PLEKHA4: variants seen among roughly 807,000 people sequenced by gnomAD.
PLEKHA4 encodes pleckstrin homology domain containing A4.
Under a neutral mutation model 94.7 loss-of-function variants are expected in PLEKHA4, and 73 were observed. The observed-to-expected ratio is 0.77, with a 90% CI of 0.64 to 0.94. The LOEUF (loss-of-function observed/expected upper bound fraction) is 0.94. Among genes scored for constraint, PLEKHA4 ranks in the 40% least tolerant of loss-of-function variants. The pLI is 0.00. For synonymous variants in PLEKHA4, 449 were observed against 437.1 expected, an observed-to-expected ratio of 1.03 and a Z score of -0.34; for missense variants, 1,049 against 1,054.1, an observed-to-expected ratio of 1.00 and a Z score of 0.07.
Position 48,837,516 on chromosome 19 carries a change from C to G in PLEKHA4, c.2113G>C (p.Gly705Arg). The G allele has an allele frequency of 6.2e-7, 1 of 1,613,086 alleles. No homozygotes were observed. Among genetic ancestry groups the G allele is most frequent in the African/African-American group, 1.3e-5 (1 of 74,988 alleles). ...GGGTCCGAAGGAGGCAGCGGCACAC[C>G]GGGAAGAGGGTCTCCCTGGGAGTCC... Reference protein sequence around the residue: ...NLDSQGDPLPGVPLPPSDPTR... With the variant: ...NLDSQGDPLPRVPLPPSDPTR... The change falls in exon 20 of 20, where the codon GGT becomes CGT. Residue 705 changes from glycine to arginine, a missense_variant. Coordinates refer to ENST00000263265, the MANE Select transcript of PLEKHA4 (RefSeq NM_020904.3). The surrounding 1 kb of genome is among the most constrained non-coding windows in gnomAD (Gnocchi z 4.3).
intron 3 of PLEKHA4, among the ~76,000 whole-genome samples, chr19:48,865,115 G>A (rs956663813): frequency 1.3e-5 from 2 of 152,212 alleles, no homozygotes; most frequent in South Asian, 2.1e-4. Context: ...GAGCCGAGGC[G>A]GGTGGATCAC....
chr19:48,849,357 G>A (rs2036095509), intron 13 of PLEKHA4, among the ~76,000 whole-genome samples: 1 of 152,032 alleles, frequency 6.6e-6, no homozygotes, highest in African/African-American at 2.4e-5. Context: ...CACCCAGGCT[G>A]GAGTGCAGTG....
chr19:48,846,876 G>A (rs1229161288), intron 14 of PLEKHA4, among the ~76,000 whole-genome samples: 4 of 152,118 alleles, frequency 2.6e-5, no homozygotes, highest in Non-Finnish European at 5.9e-5. Context: ...ACCTCTCTGA[G>A]CCATATTTTA....
intron 6 of PLEKHA4, 98 bp from the exon 7 acceptor site, chr19:48,859,782 G>A: frequency 8.8e-7 from 1 of 1,137,086 alleles, no homozygotes; most frequent in Non-Finnish European, 1.3e-6. Flanking sequence ...CCCAAAAAAG[G>A]AAAGTTGTGC....
At chr19:48,866,607 G>A (rs527578902) in intron 2 of PLEKHA4, among the ~76,000 whole-genome samples, 5 of 152,244 alleles carry the variant, frequency 3.3e-5, no homozygotes, top group African/African-American at 7.2e-5. Flanking sequence ...GCGCCGGGCC[G>A]AGACTCTTTT....
At chr19:48,840,613 C>T (rs991311641) in intron 17 of PLEKHA4, among the ~76,000 whole-genome samples, 3 of 151,776 alleles carry the variant, frequency 2.0e-5, no homozygotes, top group East Asian at 2.0e-4. Context: ...TTAGTAGAGA[C>T]GGGGTTTCTC....
intron 6 of PLEKHA4, 97 bp downstream of exon 6, chr19:48,860,253 G>T: frequency 2.0e-6 from 2 of 1,005,730 alleles, no homozygotes; most frequent in Non-Finnish European, 3.0e-6. Context: ...ACTGGTGATT[G>T]GACACTCAAG....
Position 48,867,072 on chromosome 19 carries a change from T to C in PLEKHA4, c.84+465A>G, listed in dbSNP as rs1054189621. Among the ~76,000 whole-genome samples the C allele has an allele frequency of 6.6e-6, 1 of 152,056 alleles. No homozygotes were observed. Among genetic ancestry groups the C allele is most frequent in the Non-Finnish European group, 1.5e-5 (1 of 68,000 alleles). On this transcript the variant is annotated intron_variant, in intron 2 of 19. Transcript: ENST00000263265. The surrounding 1 kb of genome is among the most constrained non-coding windows in gnomAD (Gnocchi z 4.7). ...GTGGAACGGCAGGAGGAAAAAGAAA[T>C]GAGTGTCTCCCTAAGCTTTTGGCTG...
intron 16 of PLEKHA4, among the ~76,000 whole-genome samples, chr19:48,842,700 T>C (rs1011384984): frequency 2.0e-5 from 3 of 152,182 alleles, no homozygotes; most frequent in Non-Finnish European, 2.9e-5. Flanking sequence ...TGCTGGTGGC[T>C]GGCATCACCC....
At chr19:48,842,084 G>A (rs1167545787) in intron 16 of PLEKHA4, among the ~76,000 whole-genome samples, 1 of 149,824 alleles carries the variant, frequency 6.7e-6, no homozygotes, top group Non-Finnish European at 1.5e-5. Context: ...CCTGAGTCCT[G>A]TTTATATAAA....
intron 13 of PLEKHA4, 117 bp from the exon 14 acceptor site, chr19:48,848,157 A>AT (rs1436030416): frequency 4.3e-5 from 51 of 1,188,940 alleles, no homozygotes; most frequent in Non-Finnish European, 5.4e-5. Context: ...GTTGGGATTT[A>AT]TTTTTTTTCC....
At position 48,858,942 on chromosome 19, in the gene PLEKHA4, G is replaced by A; in HGVS notation, c.890C>T (p.Pro297Leu). The A allele has an allele frequency of 1.9e-6, 3 of 1,598,602 alleles. No homozygotes were observed. Among genetic ancestry groups the A allele is most frequent in the Non-Finnish European group, 2.6e-6 (3 of 1,175,330 alleles). Residue 297 changes from proline to leucine, a missense_variant, in exon 8 of 20, where the codon CCC becomes CTC. By Grantham distance (98) the Pro-to-Leu change is moderately conservative. Coordinates refer to ENST00000263265, the MANE Select transcript of PLEKHA4 (RefSeq NM_020904.3). Reference protein sequence around the residue: ...QRQTLSRPPTPRRGPPSEAGG... With the variant: ...QRQTLSRPPTLRRGPPSEAGG... ...AGCCTCAGAGGGAGGTCCTCGGCGG[G>A]GAGTAGGGGGTCGGGAGAGGGTCTG... is the stretch of plus-strand genomic sequence containing the variant.
chr19:48,860,077 T>C lies in PLEKHA4; in HGVS notation c.476+273A>G, dbSNP rs539203760. 3.5e-4 allele frequency: 201 copies of C among 573,980 alleles called. 2 individuals carry two copies. The South Asian group carries it at 4.4e-3, about 13-fold the overall frequency. 35.6% of individuals were successfully genotyped at this position (573,980 alleles called of 1,614,324 possible). A position where few individuals can be genotyped will look rare whatever the true frequency, so the allele number is the denominator to read the frequency against. ...TTCAGAAGGAGCCAATCAGAGAGTG[T>C]GCAATATTGATCATTCCTGGAGCAG... On this transcript the variant is annotated intron_variant, in intron 6 of 19. Coordinates refer to ENST00000263265, the MANE Select transcript of PLEKHA4 (RefSeq NM_020904.3).
chr19:48,853,466 T>C (rs1040614028), intron 12 of PLEKHA4, among the ~76,000 whole-genome samples: 1 of 150,632 alleles, frequency 6.6e-6, no homozygotes, highest in African/African-American at 2.5e-5. Context: ...ACCACTGTAC[T>C]CCAGCCTGGG....
chr19:48,842,421 T>C, intron 16 of PLEKHA4, among the ~76,000 whole-genome samples: 1 of 152,182 alleles, frequency 6.6e-6, no homozygotes, highest in Non-Finnish European at 1.5e-5. Flanking sequence ...AGTGCTGGGA[T>C]TACAGGCGTG....
At position 48,860,555 on chromosome 19, in the gene PLEKHA4, G is replaced by A. The variant is rs2036596273; in HGVS notation, c.367-96C>T. 3 of 915,808 alleles carry A rather than the reference G, an allele frequency of 3.3e-6. No individual in the cohort carries two copies. In the Admixed American group the frequency reaches 5.9e-5, roughly 18 times the overall value. 56.7% of individuals were successfully genotyped at this position (915,808 alleles called of 1,614,324 possible). On this transcript the variant is annotated intron_variant, in intron 5 of 19. Transcript: ENST00000263265. The stretch of plus-strand genomic sequence containing the variant: ...CTCATTCCAGTAAACCCAGTGCTTT[G>A]GGAGGCCGATGCGGGAGGATGGCTT...
intron 3 of PLEKHA4, among the ~76,000 whole-genome samples, chr19:48,864,893 G>A (rs911589742): frequency 8.5e-5 from 13 of 152,096 alleles, no homozygotes; most frequent in African/African-American, 2.4e-4. Flanking sequence ...CCCATCCTGC[G>A]ATCTGAAATG....
chr19:48,867,660 C>CA lies in PLEKHA4; in HGVS notation c.-6-35dup. The CA allele has an allele frequency of 6.5e-7, 1 of 1,548,894 alleles. No homozygotes were observed. The highest frequency in any genetic ancestry group is 8.8e-7 in the Non-Finnish European group (1 of 1,141,468). On this transcript the variant is annotated intron_variant, in intron 1 of 19. Transcript: ENST00000263265. The surrounding 1 kb of genome is among the most constrained non-coding windows in gnomAD (Gnocchi z 4.7). ...GAGAAAGAAAGGGGCTGTGTCTCTG[C>CA]AGTGACGGGTGTGAGACAGAGATGG... is the stretch of plus-strand genomic sequence containing the variant.
chr19:48,848,271 G>C lies in PLEKHA4; in HGVS notation c.1426-231C>G, dbSNP rs569453600. Among the ~76,000 whole-genome samples, 93 of 151,902 alleles carry C rather than the reference G, an allele frequency of 6.1e-4. 1 individual carries two copies. The highest frequency in any genetic ancestry group is 2.2e-3 in the African/African-American group (91 of 41,432). On this transcript the variant is annotated intron_variant, in intron 13 of 19. Coordinates refer to ENST00000263265, the MANE Select transcript of PLEKHA4 (RefSeq NM_020904.3). ...GGAGGCCGAGGCGGGCGGATCACGA[G>C]GTCAGGAGATCGAGACCATCCCGGC...
Sources: allele counts gnomAD v4.1 joint callset (sites outside exome capture counted in the v4.1 genomes callset), GRCh38; gene constraint gnomAD v4.1.1; non-coding constraint Gnocchi (gnomAD v3.1); transcripts MANE v1.5; gene names NCBI Gene and HGNC (gene_info 2026-07-23, HGNC 2026-07-21).